The following ZDHHC17 variants were observed in gnomAD, a reference collection of about 807,000 sequenced individuals.
The protein encoded by ZDHHC17 is zDHHC palmitoyltransferase 17.
ZDHHC17 carries 40 observed loss-of-function variants against 90.3 expected under a neutral mutation model. The observed-to-expected ratio is 0.44, with a 90% CI of 0.34 to 0.58. The LOEUF (loss-of-function observed/expected upper bound fraction) is 0.58. Among genes scored for constraint, ZDHHC17 ranks in the 20% least tolerant of loss-of-function variants. The pLI, the probability that ZDHHC17 is intolerant of heterozygous loss-of-function variation, is 0.01. For missense variants in ZDHHC17, 614 were observed against 780.8 expected, an observed-to-expected ratio of 0.79 and a Z score of 2.55; for synonymous variants, 235 against 252.4, an observed-to-expected ratio of 0.93 and a Z score of 0.65.
Position 76,848,279 on chromosome 12 carries a change from G to A in ZDHHC17, c.1554G>A (p.Trp518Ter). The A allele has an allele frequency of 1.2e-6, 2 of 1,613,864 alleles. No individual in the cohort carries two copies. Among genetic ancestry groups the A allele is most frequent in the Non-Finnish European group, 1.7e-6 (2 of 1,179,842 alleles). ...CCACTTACACCAAGGATGGATTTTG[G>A]ACATACATTACTCAGATTGCCACGT... ...CETTYTKDGF[W>*]TYITQIATCS... The change falls in exon 15 of 17, where the codon TGG (tryptophan) becomes TGA (stop). Residue 518 changes from tryptophan to a stop codon, truncating the protein, a stop_gained. Transcript: ENST00000426126. LOFTEE classifies it high-confidence loss of function.
intron 1 of ZDHHC17, among the ~76,000 whole-genome samples, chr12:76,791,216 G>T (rs1211124432): frequency 6.6e-6 from 1 of 152,142 alleles, no homozygotes; most frequent in Non-Finnish European, 1.5e-5. Flanking sequence ...GTTATTTTAT[G>T]ATTTTATAGG....
rs77955281 is a variant in ZDHHC17, at chr12:76,805,370, G to A, written c.251G>A (p.Arg84Gln). 3.2e-4 allele frequency: 519 copies of A among 1,603,430 alleles called. 2 individuals carry two copies. In the African/African-American group the frequency reaches 5.6e-3, roughly 17 times the overall value. ...RELVEAGYDV[R>Q]QPDKENVTLL... ...TTGGTGGAAGCAGGTTATGATGTAC[G>A]GCAACCGGACAAAGAAAATGTTACC... Residue 84 changes from arginine (R) to glutamine (Q), a missense_variant, in exon 3 of 17, where the codon CGG becomes CAG. Arg to Gln is a conservative substitution (Grantham distance 43). Around this residue, in one of 5 missense-constraint regions of ZDHHC17, gnomAD observed 358 missense variants for 380.4 expected, o/e 0.94. Coordinates refer to ENST00000426126, the MANE Select transcript of ZDHHC17 (RefSeq NM_015336.4).
At chr12:76,777,418 G>A (rs909395476) in intron 1 of ZDHHC17, among the ~76,000 whole-genome samples, 1 of 152,190 alleles carries the variant, frequency 6.6e-6, no homozygotes, top group Non-Finnish European at 1.5e-5. Flanking sequence ...GTACCGTGAT[G>A]TGTTAACCAT....
At position 76,842,032 on chromosome 12, in the gene ZDHHC17, C is replaced by G; in HGVS notation, c.1192C>G (p.Leu398Val). The G allele has an allele frequency of 6.2e-7, 1 of 1,601,654 alleles. No individual in the cohort carries two copies. The highest frequency in any genetic ancestry group is 1.7e-5 in the Admixed American group (1 of 58,090). ...TCCATTCCTTGCCAATAGTGTTGCA[C>G]TTTTCTACAATTTTGGAAAATCTTG... ...HLPFLANSVA[L>V]FYNFGKSWKS... is the part of the protein sequence containing the mutation. Residue 398 changes from leucine to valine, a missense_variant, in exon 11 of 17, where the codon CTT (leucine) becomes GTT (valine). Physicochemically the swap from Leu to Val is conservative, Grantham distance 32. Coordinates refer to ENST00000426126, the MANE Select transcript of ZDHHC17 (RefSeq NM_015336.4).
intron 2 of ZDHHC17, among the ~76,000 whole-genome samples, chr12:76,799,044 G>T (rs1278066865): frequency 6.6e-6 from 1 of 152,116 alleles, no homozygotes; most frequent in Non-Finnish European, 1.5e-5. Flanking sequence ...GGCTGAGGTG[G>T]GAGGACCGCT....
At chr12:76,824,537 G>T (rs1953207573) in intron 8 of ZDHHC17, among the ~76,000 whole-genome samples, 1 of 126,604 alleles carries the variant, frequency 7.9e-6, no homozygotes, top group Non-Finnish European at 1.7e-5. Context: ...AGCCTGTGAA[G>T]TGTGTTTTAT....
chr12:76,837,220 C>T (rs1330634792), intron 10 of ZDHHC17, among the ~76,000 whole-genome samples: 2 of 152,208 alleles, frequency 1.3e-5, no homozygotes, highest in Non-Finnish European at 2.9e-5. Context: ...AGGGCAACCT[C>T]TGCCTCCCAG....
At chr12:76,820,863 ATAT>A (rs767087598) in intron 7 of ZDHHC17, among the ~76,000 whole-genome samples, 8 of 152,176 alleles carry the variant, frequency 5.3e-5, no homozygotes, top group South Asian at 2.1e-4. Context: ...GCTATTGTTA[ATAT>A]TATTATTTTG....
Position 76,848,245 on chromosome 12 carries a change from A to G in ZDHHC17, c.1520A>G (p.His507Arg). 2 of 1,613,934 alleles carry G rather than the reference A, an allele frequency of 1.2e-6. No homozygotes were observed. Among genetic ancestry groups the G allele is most frequent in the Non-Finnish European group, 1.7e-6 (2 of 1,179,834 alleles). ...GTTCTGGCTTTAGACTGGGGACTCC[A>G]CTGTGAGACCACTTACACCAAGGAT... ...IYGCISYWGLHCETTYTKDGF... is the reference protein window; with the variant it reads ...IYGCISYWGLRCETTYTKDGF... The change falls in exon 15 of 17, where the codon CAC (histidine) becomes CGC (arginine). Residue 507 changes from histidine to arginine, a missense_variant. Physicochemically the swap from His to Arg is conservative, Grantham distance 29. Around this residue, in one of 5 missense-constraint regions of ZDHHC17, gnomAD observed 111 missense variants for 179.8 expected, o/e 0.62. Coordinates refer to ENST00000426126, the MANE Select transcript of ZDHHC17 (RefSeq NM_015336.4).
At chr12:76,836,710 A>G (rs1953367902) in intron 10 of ZDHHC17, among the ~76,000 whole-genome samples, 1 of 152,196 alleles carries the variant, frequency 6.6e-6, no homozygotes, top group Admixed American at 6.5e-5. Context: ...GGGTTGCTCA[A>G]GTCACTGTAT....
intron 5 of ZDHHC17, among the ~76,000 whole-genome samples, chr12:76,812,243 C>T (rs1280806977): frequency 6.6e-6 from 1 of 152,124 alleles, no homozygotes; most frequent in Non-Finnish European, 1.5e-5. Context: ...GAGCACTGTG[C>T]CGTTTAACCC....
chr12:76,816,149 C>T (rs1953084874), intron 7 of ZDHHC17, 130 bp downstream of exon 7: 1 of 598,474 alleles, frequency 1.7e-6, no homozygotes, highest in South Asian at 5.1e-5. Flanking sequence ...AGTTAAACCA[C>T]ATTATGCATA....
intron 1 of ZDHHC17, among the ~76,000 whole-genome samples, chr12:76,780,076 A>G (rs1428086302): frequency 6.6e-6 from 1 of 152,168 alleles, no homozygotes; most frequent in Non-Finnish European, 1.5e-5. Context: ...GGAGTTTAGT[A>G]GTTTGCTTCT....
chr12:76,822,679 T>C (rs1953180038), intron 8 of ZDHHC17, 148 bp downstream of exon 8: 17 of 645,816 alleles, frequency 2.6e-5, no homozygotes, highest in East Asian at 2.0e-4. Flanking sequence ...CTCAGCCTCC[T>C]GAGTAGCTGG....
At chr12:76,823,961 G>T (rs939638221) in intron 8 of ZDHHC17, among the ~76,000 whole-genome samples, 2 of 152,058 alleles carry the variant, frequency 1.3e-5, no homozygotes, top group South Asian at 4.1e-4. Flanking sequence ...GCTCAACAGA[G>T]TGAAAAATGG....
At chr12:76,830,179 TATATG>T (rs1443188955) in intron 10 of ZDHHC17, among the ~76,000 whole-genome samples, 1 of 152,176 alleles carries the variant, frequency 6.6e-6, no homozygotes, top group Admixed American at 6.5e-5. Context: ...TTACAAAAAG[TATATG>T]ATATGTTTTA....
intron 1 of ZDHHC17, among the ~76,000 whole-genome samples, chr12:76,796,785 C>A (rs1333921535): frequency 6.6e-6 from 1 of 152,068 alleles, no homozygotes; most frequent in Non-Finnish European, 1.5e-5. Flanking sequence ...AGCTGTGGGT[C>A]ATACTAGAAT....
At chr12:76,774,449 CTG>C (rs1952535694) in intron 1 of ZDHHC17, among the ~76,000 whole-genome samples, 1 of 152,034 alleles carries the variant, frequency 6.6e-6, no homozygotes, top group Non-Finnish European at 1.5e-5. Context: ...AGTATTAAAT[CTG>C]TGGCAGAGCT....
chr12:76,810,955 T>G (rs1953011962), intron 5 of ZDHHC17, among the ~76,000 whole-genome samples: 1 of 152,192 alleles, frequency 6.6e-6, no homozygotes, highest in Non-Finnish European at 1.5e-5. Context: ...GGCCTCTTTC[T>G]TTCTCTATGT....
Sources: gnomAD v4.1 joint callset for allele counts (sites outside exome capture counted in the v4.1 genomes callset) on GRCh38, gnomAD v4.1.1 for gene constraint, gnomAD v4.1.1 regional missense constraint, MANE v1.5 for transcripts, NCBI Gene and HGNC (gene_info 2026-07-23, HGNC 2026-07-21) for gene names.